C10orf90: variants seen among roughly 807,000 people sequenced by gnomAD.
The protein encoded by C10orf90 is chromosome 10 open reading frame 90.
A neutral mutation model predicts 62.5 loss-of-function variants in C10orf90; 56 were observed. The ratio of observed to expected loss-of-function variants is 0.90; its 90% CI spans 0.72 to 1.12. The LOEUF is 1.12. Among genes scored for constraint, C10orf90 ranks in the 50% most tolerant of loss-of-function variants. C10orf90 has a pLI of 0.00. For synonymous variants in C10orf90, 386 were observed against 340.4 expected (o/e 1.13, Z -1.47); for missense variants, 970 against 880.4 (o/e 1.10, Z -1.29).
intron 2 of C10orf90, among the ~76,000 whole-genome samples, chr10:126,596,114 C>T (rs1200974427): frequency 1.4e-5 from 2 of 145,070 alleles, no homozygotes; most frequent in East Asian, 2.0e-4. Flanking sequence ...GCCTGGGCTA[C>T]ATAGTGAGAC....
At chr10:126,658,118 C>T (rs568300760) in intron 1 of C10orf90, among the ~76,000 whole-genome samples, 21 of 152,270 alleles carry the variant, frequency 1.4e-4, no homozygotes, top group Admixed American at 3.9e-4. Flanking sequence ...CGCATTCTGT[C>T]CCAGAACAAG....
At chr10:126,519,088 G>C (rs1279463176) in intron 2 of C10orf90, among the ~76,000 whole-genome samples, 1 of 152,194 alleles carries the variant, frequency 6.6e-6, no homozygotes, top group Non-Finnish European at 1.5e-5. Context: ...CCTTCCAGCA[G>C]AGGGAACCAG....
chr10:126,426,140 C>A, intron 8 of C10orf90, 50 bp from the exon 9 acceptor site: 13 of 1,425,782 alleles, frequency 9.1e-6, no homozygotes, highest in Non-Finnish European at 1.3e-5. Context: ...CAGCGTGCTC[C>A]CGCTGTGGGG....
intron 4 of C10orf90, among the ~76,000 whole-genome samples, chr10:126,474,143 T>A (rs185275610): frequency 3.3e-5 from 5 of 152,280 alleles, no homozygotes; most frequent in Admixed American, 3.3e-4. Flanking sequence ...GTGGTTCACA[T>A]GCATGTCCAC....
chr10:126,567,957 C>T lies in C10orf90; in HGVS notation c.314-54018G>A, dbSNP rs1272540538. 4.0e-5 allele frequency among the ~76,000 whole-genome samples: 6 copies of T among 151,560 alleles called. No individual in the cohort carries two copies. The South Asian group carries it at 8.3e-4, about 21-fold the overall frequency. ...GAAATGAGTGGTATTGTTTATTGTA[C>T]AAGAAATGGGAGAAAAGAGAAGGAG... On this transcript the variant is annotated intron_variant, in intron 2 of 9. Transcript: ENST00000488181.
At chr10:126,575,105 A>G (rs1844583573) in intron 2 of C10orf90, among the ~76,000 whole-genome samples, 1 of 152,124 alleles carries the variant, frequency 6.6e-6, no homozygotes, top group South Asian at 2.1e-4. Context: ...AGAAAACCCA[A>G]GGGAACCTAA....
intron 2 of C10orf90, among the ~76,000 whole-genome samples, chr10:126,580,563 G>C (rs577416294): frequency 1.1e-4 from 17 of 151,184 alleles, no homozygotes; most frequent in African/African-American, 3.9e-4. Flanking sequence ...TGAGGCAGGA[G>C]AATGGCGTGA....
intron 4 of C10orf90, among the ~76,000 whole-genome samples, chr10:126,484,565 C>A (rs1329136079): frequency 1.3e-5 from 2 of 152,166 alleles, no homozygotes; most frequent in Non-Finnish European, 2.9e-5. Context: ...GATATATACA[C>A]TCAATTCTAG....
intron 2 of C10orf90, among the ~76,000 whole-genome samples, chr10:126,608,326 G>A (rs1473142669): frequency 5.3e-5 from 8 of 151,988 alleles, no homozygotes; most frequent in Non-Finnish European, 7.4e-5. Flanking sequence ...TGCCCAGGCT[G>A]GTCTCAAACT....
chr10:126,551,743 T>C (rs1864636230), intron 2 of C10orf90, among the ~76,000 whole-genome samples: 1 of 152,182 alleles, frequency 6.6e-6, no homozygotes, highest in South Asian at 2.1e-4. Flanking sequence ...AAACCAGTGG[T>C]TTACAGCATT....
At chr10:126,494,334 T>C (rs917021795) in intron 4 of C10orf90, among the ~76,000 whole-genome samples, 2 of 152,078 alleles carry the variant, frequency 1.3e-5, no homozygotes, top group African/African-American at 4.8e-5. Flanking sequence ...GAGTGAGGTT[T>C]GCACACCAAA....
At chr10:126,660,491 T>C (rs1846487779) in intron 1 of C10orf90, among the ~76,000 whole-genome samples, 1 of 152,322 alleles carries the variant, frequency 6.6e-6, no homozygotes, top group Admixed American at 6.5e-5. Context: ...TGTCTCTGGC[T>C]AACAGCCAGT....
intron 2 of C10orf90, among the ~76,000 whole-genome samples, chr10:126,516,724 T>C (rs1276647787): frequency 6.6e-6 from 1 of 152,208 alleles, no homozygotes; most frequent in African/African-American, 2.4e-5. Context: ...ATTCAGGGCT[T>C]ACACAACACA....
At position 126,504,967 on chromosome 10, in the gene C10orf90, T is replaced by C. The variant is rs1862642196; in HGVS notation, c.524A>G (p.Gln175Arg). 2 of 1,614,232 alleles carry C rather than the reference T, an allele frequency of 1.2e-6. No individual in the cohort carries two copies. The highest frequency in any genetic ancestry group is 1.7e-6 in the Non-Finnish European group (2 of 1,180,048). Residue 175 changes from glutamine (Q) to arginine (R), a missense_variant, in exon 4 of 10, where the codon CAG becomes CGG. Transcript: ENST00000488181. The surrounding 1 kb of genome is among the most constrained non-coding windows in gnomAD (Gnocchi z 4.1). ...TTGCTTGGCGTGATGTGCACGAGAC[T>C]GAGCAATGGCACACGGTAGGGGCAA... ...ASLPLPCAIA[Q>R]SRAHHAKQSL...
intron 2 of C10orf90, among the ~76,000 whole-genome samples, chr10:126,557,673 A>C (rs1245659783): frequency 6.6e-6 from 1 of 152,104 alleles, no homozygotes; most frequent in Non-Finnish European, 1.5e-5. Context: ...TGTACTGTTC[A>C]TACCCTGCTG....
chr10:126,554,979 G>A (rs1384660936), intron 2 of C10orf90, among the ~76,000 whole-genome samples: 5 of 152,196 alleles, frequency 3.3e-5, no homozygotes, highest in Admixed American at 1.3e-4. Flanking sequence ...TTCCTCAGGA[G>A]TCTTTTAAAA....
chr10:126,664,314 G>A (rs908912722), intron 1 of C10orf90, among the ~76,000 whole-genome samples: 25 of 152,092 alleles, frequency 1.6e-4, no homozygotes, highest in Admixed American at 9.8e-4. Flanking sequence ...GTTACAATTC[G>A]CCTGCACCCA....
intron 7 of C10orf90, among the ~76,000 whole-genome samples, chr10:126,444,693 A>T (rs1322161496): frequency 6.6e-6 from 1 of 152,162 alleles, no homozygotes; most frequent in African/African-American, 2.4e-5. Flanking sequence ...TGTGAAATCA[A>T]AAAAGAGCCC....
Position 126,465,005 on chromosome 10 carries a change from T to A in C10orf90, c.1535-19A>T, listed in dbSNP as rs948707503. ...GTGTGTACTAAAAATAAAACGAGAG[T>A]TGTGCTCAAAATCTCTTATGAATCC... On this transcript the variant is annotated intron_variant, in intron 4 of 9. Coordinates refer to ENST00000488181, the MANE Select transcript of C10orf90 (RefSeq NM_001350921.2). 4 of 1,590,740 alleles carry A rather than the reference T, an allele frequency of 2.5e-6. No homozygotes were observed. In the African/African-American group the frequency reaches 4.0e-5, roughly 16 times the overall value.
Sources: gnomAD v4.1 joint callset for allele counts (sites outside exome capture counted in the v4.1 genomes callset) on GRCh38, gnomAD v4.1.1 for gene constraint, Gnocchi (gnomAD v3.1) non-coding constraint, MANE v1.5 for transcripts, NCBI Gene and HGNC (gene_info 2026-07-23, HGNC 2026-07-21) for gene names.